The following CREB3L2 variants were observed in gnomAD, a reference collection of about 807,000 sequenced individuals.
CREB3L2 encodes the protein cAMP responsive element binding protein 3 like 2.
CREB3L2 carries 23 observed loss-of-function variants against 57.2 expected under a neutral mutation model. The ratio of observed to expected loss-of-function variants is 0.40; its 90% confidence interval spans 0.29 to 0.57. The LOEUF (loss-of-function observed/expected upper bound fraction) is 0.57. Ranked by LOEUF, CREB3L2 falls within the 20% of genes least tolerant of loss-of-function variation. The pLI, the probability that CREB3L2 is intolerant of heterozygous loss-of-function variation, is 0.42. For missense variants in CREB3L2, 628 were observed against 634.7 expected (o/e 0.99, Z 0.11); for synonymous variants, 268 against 265.1 (o/e 1.01, Z -0.11).
intron 6 of CREB3L2, 89 bp from the exon 7 acceptor site, chr7:137,904,106 C>A: frequency 9.4e-7 from 1 of 1,065,320 alleles, no homozygotes. Context: ...TAGAAGTCAC[C>A]AAAGCCCTGC....
chr7:137,906,471 T>C (rs1698866357), intron 5 of CREB3L2, among the ~76,000 whole-genome samples: 1 of 152,012 alleles, frequency 6.6e-6, no homozygotes, highest in Non-Finnish European at 1.5e-5. Context: ...TCAAACAGAG[T>C]CCCTATTGCA....
chr7:137,888,037 C>T lies in CREB3L2; in HGVS notation c.1044-2535G>A, dbSNP rs142414964. 2.0e-4 allele frequency among the ~76,000 whole-genome samples: 31 copies of T among 152,328 alleles called. 1 individual carries two copies. The highest frequency in any genetic ancestry group is 3.4e-3 in the Middle Eastern group (1 of 294). On this transcript the variant is annotated intron_variant, in intron 8 of 11. Coordinates refer to ENST00000330387, the MANE Select transcript of CREB3L2 (RefSeq NM_194071.4). ...GTGTGACCACAGCTCACTGCAGCCTCAACCTCCTGAACTCGAGCAATCCTC... is the reference window on the plus strand; with the variant it reads ...GTGTGACCACAGCTCACTGCAGCCTTAACCTCCTGAACTCGAGCAATCCTC...
chr7:137,934,237 T>C (rs986308451), intron 1 of CREB3L2, among the ~76,000 whole-genome samples: 2 of 152,330 alleles, frequency 1.3e-5, no homozygotes, highest in East Asian at 3.9e-4. Context: ...AGGGTACTCA[T>C]GTCAAATTGA....
chr7:137,923,087 G>A (rs1382071742), intron 2 of CREB3L2, among the ~76,000 whole-genome samples: 1 of 152,166 alleles, frequency 6.6e-6, no homozygotes, highest in Non-Finnish European at 1.5e-5. Flanking sequence ...TGAATGGCAT[G>A]AAGAGGTGGT....
chr7:137,901,874 C>CAAAAAAA (rs59855306), intron 7 of CREB3L2, among the ~76,000 whole-genome samples: 17,515 of 56,750 alleles, frequency 0.31, 3,732 homozygotes, highest in Middle Eastern at 0.46. Context: ...AGATCTGTCT[C>CAAAAAAA]AAAAAAAAAA....
intron 8 of CREB3L2, 137 bp downstream of exon 8, chr7:137,901,217 T>C (rs1799747685): frequency 3.2e-6 from 2 of 631,996 alleles, no homozygotes; most frequent in Non-Finnish European, 5.7e-6. Flanking sequence ...AGTTTGGCCA[T>C]GCTGAGCATC....
chr7:137,954,432 C>A (rs1240099481), intron 1 of CREB3L2, among the ~76,000 whole-genome samples: 1 of 152,138 alleles, frequency 6.6e-6, no homozygotes, highest in Non-Finnish European at 1.5e-5. Flanking sequence ...CTCAGAGGTT[C>A]CTGTTTGCTC....
intron 1 of CREB3L2, among the ~76,000 whole-genome samples, chr7:138,000,674 G>A (rs1802058450): frequency 1.3e-5 from 2 of 152,070 alleles, no homozygotes; most frequent in South Asian, 2.1e-4. Flanking sequence ...TCTCATTAGT[G>A]TCCCCCCTCA....
rs1799268486 is a variant in CREB3L2, at chr7:137,880,376, C to T, written c.*100G>A. 8 of 956,618 alleles carry T rather than the reference C, an allele frequency of 8.4e-6. No individual in the cohort carries two copies. In the South Asian group the frequency reaches 1.1e-4, roughly 13 times the overall value. The allele number at this position is 956,618 out of a possible 1,614,324, so 59.3% of individuals were successfully genotyped here. On this transcript the variant is annotated 3_prime_UTR_variant, in exon 12 of 12. Coordinates refer to ENST00000330387, the MANE Select transcript of CREB3L2 (RefSeq NM_194071.4). This position sits in a 1 kb window ranked among gnomAD's most constrained non-coding sequence, Gnocchi z 4.0. ...AAGCCACTAATGCTTGCCCATGTCT[C>T]CATGAAGATCCAGTGGCAAAGAGGA...
chr7:137,991,200 G>A (rs1360963770), intron 1 of CREB3L2, among the ~76,000 whole-genome samples: 4 of 150,592 alleles, frequency 2.7e-5, no homozygotes, highest in Admixed American at 1.3e-4. Context: ...GTCTTGCTCC[G>A]TCACCCAGGC....
chr7:137,954,369 G>T (rs946060719), intron 1 of CREB3L2, among the ~76,000 whole-genome samples: 1 of 152,228 alleles, frequency 6.6e-6, no homozygotes, highest in Non-Finnish European at 1.5e-5. Context: ...ACAGCAGATA[G>T]CTACCCAGAA....
chr7:137,994,672 G>A (rs765698242), intron 1 of CREB3L2, among the ~76,000 whole-genome samples: 2 of 152,250 alleles, frequency 1.3e-5, no homozygotes, highest in South Asian at 2.1e-4. Context: ...TGGGCCGGAC[G>A]TGATAGCTCA....
At chr7:137,948,184 T>G (rs913480973) in intron 1 of CREB3L2, among the ~76,000 whole-genome samples, 1 of 152,234 alleles carries the variant, frequency 6.6e-6, no homozygotes, top group African/African-American at 2.4e-5. Flanking sequence ...AGCTAAGATA[T>G]ATTCAAAATT....
At position 137,980,058 on chromosome 7, in the gene CREB3L2, C is replaced by T. The variant is rs1330941432; in HGVS notation, c.102+21546G>A. Among the ~76,000 whole-genome samples, 1 of 152,198 alleles carries T rather than the reference C, an allele frequency of 6.6e-6. No homozygotes were observed. The highest frequency in any genetic ancestry group is 6.5e-5 in the Admixed American group (1 of 15,282). On this transcript the variant is annotated intron_variant, in intron 1 of 11. Transcript: ENST00000330387. The surrounding 1 kb of genome is among the most constrained non-coding windows in gnomAD (Gnocchi z 4.3). ...TCTCAAATTTTACATGCACATGGAT[C>T]ATCTGGGGATCTTCAGATTATAATT... is the stretch of plus-strand genomic sequence containing the variant.
intron 1 of CREB3L2, chr7:137,956,514 C>A: frequency 1.4e-6 from 1 of 715,088 alleles, no homozygotes; most frequent in Non-Finnish European, 2.1e-6. Context: ...CTCTCTTATT[C>A]ACAAAAGCTC....
At chr7:137,894,744 G>A (rs1175197334) in intron 8 of CREB3L2, among the ~76,000 whole-genome samples, 3 of 152,216 alleles carry the variant, frequency 2.0e-5, no homozygotes, top group Non-Finnish European at 4.4e-5. Flanking sequence ...AGGAGAGCCA[G>A]CACAGGGCCC....
At position 137,876,370 on chromosome 7, in the gene CREB3L2, C is replaced by CAG. The variant is rs1585579968; in HGVS notation, c.*4104_*4105dup. The CAG allele has an allele frequency of 2.0e-5, 4 of 196,660 alleles. No homozygotes were observed. The East Asian group carries it at 2.6e-4, about 13-fold the overall frequency. 12.2% of individuals were successfully genotyped at this position (196,660 alleles called of 1,614,324 possible). ...TGTGTGTGTGTGTGTGTGTGTGTGT[C>CAG]AGAGAGAGAAGAAGGGAGAGAGAAG... On this transcript the variant is annotated 3_prime_UTR_variant, in exon 12 of 12. Coordinates refer to ENST00000330387, the MANE Select transcript of CREB3L2 (RefSeq NM_194071.4).
At chr7:137,969,440 G>T (rs567370761) in intron 1 of CREB3L2, among the ~76,000 whole-genome samples, 2 of 148,924 alleles carry the variant, frequency 1.3e-5, no homozygotes, top group South Asian at 4.3e-4. Flanking sequence ...TTCGCCTCCC[G>T]GGTTCATGCC....
rs1799209096 is a variant in CREB3L2 at position 137,878,556 on chromosome 7, A to ATTCT, written c.*1919_*1920insAGAA. The ATTCT allele has an allele frequency of 4.3e-6, 1 of 232,592 alleles. No individual in the cohort carries two copies. Among genetic ancestry groups the ATTCT allele is most frequent in the Non-Finnish European group, 8.5e-6 (1 of 118,120 alleles). 14.4% of individuals were successfully genotyped at this position (232,592 alleles called of 1,614,324 possible). A position where few individuals can be genotyped will look rare whatever the true frequency, so the allele number is the denominator to read the frequency against. ...GAAGCAGAAGCAGAACCTACTAGCA[A>ATTCT]CCCTCCTCCTGCACAGCTCAGACAG... On this transcript the variant is annotated 3_prime_UTR_variant, in exon 12 of 12. Transcript: ENST00000330387.
Sources: gnomAD v4.1 joint callset for allele counts (sites outside exome capture counted in the v4.1 genomes callset) on GRCh38, gnomAD v4.1.1 for gene constraint, Gnocchi (gnomAD v3.1) non-coding constraint, MANE v1.5 for transcripts, NCBI Gene and HGNC (gene_info 2026-07-23, HGNC 2026-07-21) for gene names.